HLCS: variants seen among roughly 807,000 people sequenced by gnomAD.
HLCS encodes the protein biotin--protein ligase.
HLCS carries 53 observed loss-of-function variants against 75.0 expected under a neutral mutation model. The observed-to-expected ratio is 0.71, with a 90% confidence interval of 0.57 to 0.89. The LOEUF (loss-of-function observed/expected upper bound fraction) is 0.89. HLCS is among the 40% of genes least tolerant of loss of function. The pLI is 0.00. For synonymous variants in HLCS, 431 were observed against 428.6 expected, an observed-to-expected ratio of 1.01 and a Z score of -0.07; for missense variants, 966 against 1,074.0, an observed-to-expected ratio of 0.90 and a Z score of 1.41.
chr21:36,961,680 G>A (rs756540174), intron 2 of HLCS, among the ~76,000 whole-genome samples: 11 of 152,272 alleles, frequency 7.2e-5, no homozygotes, highest in East Asian at 5.8e-4. Context: ...GAGGCCGGGC[G>A]TGGTGGCTCA....
At chr21:36,881,978 G>A (rs533470157) in intron 6 of HLCS, among the ~76,000 whole-genome samples, 3 of 152,220 alleles carry the variant, frequency 2.0e-5, no homozygotes, top group Admixed American at 2.0e-4. Context: ...ACTCCAGCTT[G>A]AGCAAGAGTG....
chr21:36,820,359 G>GGGATT (rs1569056508), intron 6 of HLCS, among the ~76,000 whole-genome samples: 1 of 152,054 alleles, frequency 6.6e-6, no homozygotes, highest in African/African-American at 2.4e-5. Flanking sequence ...AGCTGCTGCT[G>GGGATT]CCCAGCCACG....
intron 1 of HLCS, among the ~76,000 whole-genome samples, chr21:36,989,599 G>A (rs1023242432): frequency 6.6e-6 from 1 of 152,156 alleles, no homozygotes; most frequent in African/African-American, 2.4e-5. Context: ...GAAGTGCTGA[G>A]ATTACAAGCG....
At chr21:36,761,810 A>G (rs1404253833) in intron 8 of HLCS, among the ~76,000 whole-genome samples, 1 of 151,954 alleles carries the variant, frequency 6.6e-6, no homozygotes, top group East Asian at 1.9e-4. Flanking sequence ...CCCTGTGCCC[A>G]CCACATGGCC....
At chr21:36,855,668 C>T (rs2063167373) in intron 6 of HLCS, among the ~76,000 whole-genome samples, 1 of 152,060 alleles carries the variant, frequency 6.6e-6, no homozygotes, top group Non-Finnish European at 1.5e-5. Context: ...CCTCTGCCTC[C>T]CAGGCTCAGG....
chr21:36,916,967 C>T (rs1309642616), intron 5 of HLCS, among the ~76,000 whole-genome samples: 1 of 152,148 alleles, frequency 6.6e-6, no homozygotes, highest in Non-Finnish European at 1.5e-5. Flanking sequence ...GTAACATTTG[C>T]ATCTTCAAAA....
chr21:36,861,493 G>C (rs1037914604), intron 6 of HLCS, among the ~76,000 whole-genome samples: 1 of 152,116 alleles, frequency 6.6e-6, no homozygotes, highest in African/African-American at 2.4e-5. Context: ...TTGTCACCCA[G>C]GTACTAAGCC....
chr21:36,892,339 G>A (rs952628716), intron 6 of HLCS, among the ~76,000 whole-genome samples: 2 of 152,190 alleles, frequency 1.3e-5, no homozygotes, highest in Admixed American at 6.5e-5. Flanking sequence ...AGGGCAGAAC[G>A]CGGGTTGCCA....
At chr21:36,796,936 G>A (rs537012913) in intron 6 of HLCS, among the ~76,000 whole-genome samples, 37 of 151,108 alleles carry the variant, frequency 2.4e-4, no homozygotes, top group African/African-American at 7.8e-4. Context: ...GAGTGATCTC[G>A]GCTCACTGCA....
chr21:36,874,766 G>C (rs576380957), intron 6 of HLCS, among the ~76,000 whole-genome samples: 1 of 152,246 alleles, frequency 6.6e-6, no homozygotes, highest in South Asian at 2.1e-4. Context: ...ATGGGCGGGA[G>C]CCCTGCCCCC....
At chr21:36,970,337 A>G (rs1022136201), upstream of HLCS, among the ~76,000 whole-genome samples, 1 of 152,006 alleles carries the variant, frequency 6.6e-6, no homozygotes, top group African/African-American at 2.4e-5. Context: ...GGCTCAAGCA[A>G]TCCTCCCTCC....
At chr21:36,987,338 C>T (rs947022585) in intron 1 of HLCS, among the ~76,000 whole-genome samples, 7 of 152,164 alleles carry the variant, frequency 4.6e-5, no homozygotes, top group African/African-American at 1.4e-4. Flanking sequence ...GCAGGACAGG[C>T]GCAGTGGCTC....
At chr21:36,809,188 T>G (rs2061439851) in intron 6 of HLCS, among the ~76,000 whole-genome samples, 1 of 151,756 alleles carries the variant, frequency 6.6e-6, no homozygotes. Context: ...CACTCCAACC[T>G]GGGCAACAGA....
chr21:36,777,564 C>A (rs965453455), intron 6 of HLCS, among the ~76,000 whole-genome samples: 1 of 152,258 alleles, frequency 6.6e-6, no homozygotes, highest in East Asian at 1.9e-4. Context: ...TGAGCTGTCA[C>A]GGCTTCTTCG....
chr21:36,955,585 C>T lies in HLCS; in HGVS notation c.330+6451G>A, dbSNP rs183796216. On this transcript the variant is annotated intron_variant, in intron 2 of 10. Coordinates refer to ENST00000674895, the MANE Select transcript of HLCS (RefSeq NM_001352514.2). ...ATGTGTTTGTTTTAAGCTGTTATTA[C>T]GAAAGAATCAAAAATTTTAAAAAAT... is the stretch of plus-strand genomic sequence containing the variant. Among the ~76,000 whole-genome samples the T allele has an allele frequency of 3.6e-4, 54 of 151,392 alleles. No homozygotes were observed. The Middle Eastern group carries it at 0.01, about 29-fold the overall frequency.
At chr21:36,863,576 G>A (rs2063455117) in intron 6 of HLCS, among the ~76,000 whole-genome samples, 1 of 152,154 alleles carries the variant, frequency 6.6e-6, no homozygotes, top group Non-Finnish European at 1.5e-5. Flanking sequence ...GTTCTGAAAT[G>A]CAAAGCCTGT....
chr21:36,805,552 A>G (rs1394326642), intron 6 of HLCS, among the ~76,000 whole-genome samples: 1 of 152,188 alleles, frequency 6.6e-6, no homozygotes, highest in African/African-American at 2.4e-5. Context: ...CTTGTTCATG[A>G]CCACTGCACC....
At chr21:36,841,834 C>G (rs77252006) in intron 6 of HLCS, among the ~76,000 whole-genome samples, 1 of 152,094 alleles carries the variant, frequency 6.6e-6, no homozygotes, top group Non-Finnish European at 1.5e-5. Flanking sequence ...ATTGATAACA[C>G]GGGGACATCA....
chr21:36,892,156 T>C (rs1212756574), intron 6 of HLCS, among the ~76,000 whole-genome samples: 2 of 152,138 alleles, frequency 1.3e-5, no homozygotes, highest in Non-Finnish European at 2.9e-5. Context: ...GGCTGGCCTA[T>C]AAAAAGCTGT....
Sources: allele counts gnomAD v4.1 joint callset (sites outside exome capture counted in the v4.1 genomes callset), GRCh38; gene constraint gnomAD v4.1.1; transcripts MANE v1.5; gene names NCBI Gene and HGNC (gene_info 2026-07-23, HGNC 2026-07-21).